The following MDGA2 variants were observed in gnomAD, a reference collection of about 807,000 sequenced individuals.
MDGA2 encodes MAM domain containing glycosylphosphatidylinositol anchor 2.
In MDGA2, 40 loss-of-function variants were observed where a neutral mutation model predicts 117.8. The ratio of observed to expected loss-of-function variants is 0.34; its 90% CI spans 0.26 to 0.44. The LOEUF (loss-of-function observed/expected upper bound fraction) is 0.44, where lower values mean the gene tolerates loss of function less well. Ranked by LOEUF, MDGA2 falls within the 20% of genes least tolerant of loss-of-function variation. The pLI is 1.00. For missense variants in MDGA2, 1,123 were observed against 1,250.6 expected (o/e 0.90, Z 1.54); for synonymous variants, 452 against 439.0 (o/e 1.03, Z -0.37).
At chr14:47,126,828 A>AAC (rs1881927181) in intron 5 of MDGA2, among the ~76,000 whole-genome samples, 1 of 152,146 alleles carries the variant, frequency 6.6e-6, no homozygotes, top group African/African-American at 2.4e-5. Flanking sequence ...TCCATGGTGT[A>AAC]ACTGTTCTGC....
chr14:46,935,116 G>A (rs1234439723), intron 9 of MDGA2, among the ~76,000 whole-genome samples: 1 of 151,988 alleles, frequency 6.6e-6, no homozygotes, highest in Non-Finnish European at 1.5e-5. Flanking sequence ...GTGAATTGGT[G>A]GCATGGAGAG....
intron 10 of MDGA2, among the ~76,000 whole-genome samples, chr14:46,918,661 G>GT (rs1883994694): frequency 6.6e-6 from 1 of 151,484 alleles, no homozygotes; most frequent in Non-Finnish European, 1.5e-5. Context: ...GAAGAATCCA[G>GT]TAATTATCAA....
chr14:46,930,419 TA>T (rs202087967), intron 9 of MDGA2, among the ~76,000 whole-genome samples: 4 of 151,620 alleles, frequency 2.6e-5, no homozygotes, highest in African/African-American at 4.8e-5. Context: ...CCAACATCAG[TA>T]AAAAAAACAA....
chr14:47,030,993 G>C (rs2138629508), intron 8 of MDGA2, among the ~76,000 whole-genome samples: 1 of 152,158 alleles, frequency 6.6e-6, no homozygotes. Context: ...ACAGGATATA[G>C]AATGGTCTAA....
chr14:47,140,961 A>T (rs1462009304), intron 4 of MDGA2, among the ~76,000 whole-genome samples: 1 of 152,128 alleles, frequency 6.6e-6, no homozygotes, highest in Non-Finnish European at 1.5e-5. Context: ...AGCAAAAAAA[A>T]ATCTCATTTT....
intron 1 of MDGA2, among the ~76,000 whole-genome samples, chr14:47,605,221 C>A (rs1896721143): frequency 6.6e-6 from 1 of 151,936 alleles, no homozygotes; most frequent in African/African-American, 2.4e-5. Context: ...AGCACTTGAC[C>A]AGGACCCCAT....
At chr14:47,074,156 T>C (rs939558217) in intron 6 of MDGA2, among the ~76,000 whole-genome samples, 3 of 150,010 alleles carry the variant, frequency 2.0e-5, no homozygotes, top group Non-Finnish European at 4.4e-5. Flanking sequence ...CAACAACTAA[T>C]ATAATACAGA....
At chr14:47,246,106 C>A (rs1485164033) in intron 2 of MDGA2, among the ~76,000 whole-genome samples, 1 of 151,832 alleles carries the variant, frequency 6.6e-6, no homozygotes, top group African/African-American at 2.4e-5. Flanking sequence ...GCTCTTCCCT[C>A]GGCAGCCCAC....
intron 3 of MDGA2, among the ~76,000 whole-genome samples, chr14:47,171,152 T>G (rs1313733281): frequency 2.0e-5 from 3 of 152,186 alleles, no homozygotes; most frequent in Non-Finnish European, 4.4e-5. Flanking sequence ...TGCTTATTTT[T>G]ATTAGAAATA....
chr14:47,470,110 A>T (rs1594873245), intron 1 of MDGA2, among the ~76,000 whole-genome samples: 1 of 101,258 alleles, frequency 9.9e-6, no homozygotes. Flanking sequence ...TTATTTATTT[A>T]TTTATTTTTA....
At chr14:47,498,283 T>C (rs1894324481) in intron 1 of MDGA2, among the ~76,000 whole-genome samples, 1 of 152,204 alleles carries the variant, frequency 6.6e-6, no homozygotes, top group African/African-American at 2.4e-5. Flanking sequence ...ATCCTTTTCA[T>C]TTCCATAGAC....
intron 1 of MDGA2, among the ~76,000 whole-genome samples, chr14:47,442,770 T>C (rs376669367): frequency 2.0e-5 from 3 of 152,262 alleles, no homozygotes; most frequent in Middle Eastern, 3.4e-3. Flanking sequence ...CTTTCTGCAA[T>C]TTCATTTACT....
At chr14:46,924,666 T>C (rs1017916505) in intron 9 of MDGA2, among the ~76,000 whole-genome samples, 16 of 151,972 alleles carry the variant, frequency 1.1e-4, no homozygotes, top group Non-Finnish European at 2.1e-4. Context: ...CATTTTATTA[T>C]CAGATTGCAC....
At chr14:46,925,934 C>G (rs1313978077) in intron 9 of MDGA2, among the ~76,000 whole-genome samples, 1 of 152,108 alleles carries the variant, frequency 6.6e-6, no homozygotes, top group African/African-American at 2.4e-5. Flanking sequence ...ACTTTAGAAA[C>G]TACTGTAGGA....
At chr14:47,311,150 T>G (rs535618361) in intron 1 of MDGA2, among the ~76,000 whole-genome samples, 33 of 152,202 alleles carry the variant, frequency 2.2e-4, no homozygotes, top group African/African-American at 7.9e-4. Flanking sequence ...CTTAAATCCT[T>G]CTCTAAAATT....
At chr14:47,276,827 T>G (rs1888325822) in intron 2 of MDGA2, among the ~76,000 whole-genome samples, 1 of 152,158 alleles carries the variant, frequency 6.6e-6, no homozygotes, top group Non-Finnish European at 1.5e-5. Flanking sequence ...TTCATCACGC[T>G]CCTCAATATC....
intron 16 of MDGA2, 85 bp downstream of exon 16, chr14:46,845,681 T>A: frequency 1.2e-6 from 1 of 837,660 alleles, no homozygotes; most frequent in Non-Finnish European, 1.8e-6. Flanking sequence ...TAACTCCGTT[T>A]TTAAAATTAA....
chr14:47,421,010 T>A (rs1306196234), intron 1 of MDGA2, among the ~76,000 whole-genome samples: 1 of 151,984 alleles, frequency 6.6e-6, no homozygotes. Flanking sequence ...GTACAGCAAA[T>A]AGACTTCAGA....
At chr14:47,622,632 T>C (rs532929205) in intron 1 of MDGA2, among the ~76,000 whole-genome samples, 19 of 152,308 alleles carry the variant, frequency 1.2e-4, no homozygotes, top group African/African-American at 3.6e-4. Context: ...AGCTGATCTT[T>C]AGGAAGTTGC....
Sources: gnomAD v4.1 joint callset for allele counts (sites outside exome capture counted in the v4.1 genomes callset) on GRCh38, gnomAD v4.1.1 for gene constraint, MANE v1.5 for transcripts, NCBI Gene and HGNC (gene_info 2026-07-23, HGNC 2026-07-21) for gene names.